The following ACBD6 variants were observed in gnomAD, a reference collection of about 807,000 sequenced individuals.
ACBD6 encodes acyl-CoA-binding domain-containing protein 6.
ACBD6 carries 28 observed loss-of-function variants against 37.2 expected under a neutral mutation model. The observed-to-expected ratio is 0.75, with a 90% CI of 0.56 to 1.03. The LOEUF (loss-of-function observed/expected upper bound fraction) is 1.03, where lower values mean the gene tolerates loss of function less well. Ranked by LOEUF, ACBD6 falls within the 50% of genes least tolerant of loss-of-function variation. ACBD6 has a pLI of 0.00. For missense variants in ACBD6, 340 were observed against 337.4 expected, an observed-to-expected ratio of 1.01 and a Z score of -0.06; for synonymous variants, 113 against 126.8, an observed-to-expected ratio of 0.89 and a Z score of 0.73.
chr1:180,470,442 A>G (rs1374381747), intron 3 of ACBD6, among the ~76,000 whole-genome samples: 1 of 152,220 alleles, frequency 6.6e-6, no homozygotes, highest in Non-Finnish European at 1.5e-5. Flanking sequence ...ATGTTTTCTT[A>G]TAAATTATGG....
At chr1:180,401,819 G>A (rs981699140) in intron 5 of ACBD6, among the ~76,000 whole-genome samples, 16 of 151,118 alleles carry the variant, frequency 1.1e-4, no homozygotes, top group Middle Eastern at 3.4e-3. Context: ...AAGGGGAGGG[G>A]AGAGGAGGGA....
At chr1:180,417,774 G>C (rs1558291185) in intron 4 of ACBD6, among the ~76,000 whole-genome samples, 1 of 152,158 alleles carries the variant, frequency 6.6e-6, no homozygotes, top group Non-Finnish European at 1.5e-5. Flanking sequence ...GCCACTCTGT[G>C]AAGTTCCTTT....
At chr1:180,402,980 T>G (rs569452343) in intron 5 of ACBD6, among the ~76,000 whole-genome samples, 53 of 152,228 alleles carry the variant, frequency 3.5e-4, no homozygotes, top group Non-Finnish European at 7.1e-4. Context: ...CAATGGTATA[T>G]TCACATGATG....
At chr1:180,437,190 T>G (rs368337846) in intron 3 of ACBD6, among the ~76,000 whole-genome samples, 1 of 152,174 alleles carries the variant, frequency 6.6e-6, no homozygotes, top group Non-Finnish European at 1.5e-5. Flanking sequence ...AACTGGCAAA[T>G]GTGTTTCCCT....
intron 4 of ACBD6, among the ~76,000 whole-genome samples, chr1:180,421,116 T>C (rs899798245): frequency 3.3e-5 from 5 of 152,160 alleles, no homozygotes; most frequent in Admixed American, 1.3e-4. Context: ...TCTCATCACC[T>C]AGGTATTAAG....
intron 6 of ACBD6, among the ~76,000 whole-genome samples, chr1:180,388,713 T>C (rs1571441988): frequency 6.6e-6 from 1 of 152,106 alleles, no homozygotes; most frequent in Non-Finnish European, 1.5e-5. Flanking sequence ...AGTGCTGGGA[T>C]TACAGGTGTG....
chr1:180,456,089 A>T (rs967059675), intron 3 of ACBD6, among the ~76,000 whole-genome samples: 2 of 151,874 alleles, frequency 1.3e-5, no homozygotes, highest in African/African-American at 4.8e-5. Flanking sequence ...ACACATGCCT[A>T]TAGTCCCAGC....
chr1:180,471,692 A>AT (rs1381762665), intron 3 of ACBD6, among the ~76,000 whole-genome samples: 1 of 152,150 alleles, frequency 6.6e-6, no homozygotes, highest in Non-Finnish European at 1.5e-5. Flanking sequence ...ACCAGCCCCC[A>AT]TGATTCAATT....
chr1:180,373,431 GA>G (rs1268431550), intron 6 of ACBD6, among the ~76,000 whole-genome samples: 1 of 152,128 alleles, frequency 6.6e-6, no homozygotes, highest in African/African-American at 2.4e-5. Context: ...ATCATCTAGG[GA>G]AAAGAGTACT....
intron 5 of ACBD6, among the ~76,000 whole-genome samples, chr1:180,411,383 C>G (rs1010083558): frequency 1.3e-5 from 2 of 152,106 alleles, no homozygotes; most frequent in Non-Finnish European, 2.9e-5. Flanking sequence ...ACAGAGTAAT[C>G]TTTTACGAAG....
intron 3 of ACBD6, among the ~76,000 whole-genome samples, chr1:180,433,574 C>CTGTG (rs61101474): frequency 1.7e-3 from 262 of 149,820 alleles, no homozygotes; most frequent in Middle Eastern, 6.9e-3. Flanking sequence ...TGGTGTTATG[C>CTGTG]TGTGTGTGTG....
intron 6 of ACBD6, among the ~76,000 whole-genome samples, chr1:180,348,853 T>G (rs960268826): frequency 3.9e-5 from 6 of 152,246 alleles, no homozygotes; most frequent in Non-Finnish European, 5.9e-5. Flanking sequence ...TACTAAGAAC[T>G]TATGACAAAC....
At chr1:180,410,910 A>G (rs1454559319) in intron 5 of ACBD6, among the ~76,000 whole-genome samples, 1 of 152,218 alleles carries the variant, frequency 6.6e-6, no homozygotes, top group East Asian at 1.9e-4. Context: ...GCAAACTGAA[A>G]ACCTTCTGGA....
At chr1:180,384,902 G>A (rs972237299) in intron 6 of ACBD6, among the ~76,000 whole-genome samples, 2 of 152,148 alleles carry the variant, frequency 1.3e-5, no homozygotes, top group Non-Finnish European at 2.9e-5. Context: ...GCCAGACACA[G>A]AAAGACGAAT....
downstream of ACBD6, chr1:180,287,114 G>C (rs1055977103): frequency 6.6e-6 from 1 of 152,084 alleles, no homozygotes; most frequent in African/African-American, 2.4e-5. Flanking sequence ...AGTTTCAAGA[G>C]TGGCATACCT....
intron 3 of ACBD6, among the ~76,000 whole-genome samples, chr1:180,482,736 G>A (rs993115510): frequency 6.6e-5 from 10 of 152,222 alleles, no homozygotes; most frequent in African/African-American, 2.2e-4. Flanking sequence ...TCAGACAAAC[G>A]TTCAATTTTC....
At chr1:180,491,789 A>G (rs1443125402) in intron 3 of ACBD6, among the ~76,000 whole-genome samples, 1 of 152,080 alleles carries the variant, frequency 6.6e-6, no homozygotes, top group African/African-American at 2.4e-5. Flanking sequence ...TGGTTATATT[A>G]CTATTTAAGT....
chr1:180,461,200 GA>G (rs1244366131), intron 3 of ACBD6, among the ~76,000 whole-genome samples: 2 of 151,648 alleles, frequency 1.3e-5, no homozygotes, highest in African/African-American at 2.4e-5. Context: ...CAAAAATAGA[GA>G]AAAAAAAGTA....
intron 6 of ACBD6, among the ~76,000 whole-genome samples, chr1:180,371,325 A>G (rs532337165): frequency 6.6e-6 from 1 of 152,222 alleles, no homozygotes; most frequent in East Asian, 1.9e-4. Context: ...GACAGTTGTT[A>G]GTGATTCATC....
Sources: gnomAD v4.1 joint callset for allele counts (sites outside exome capture counted in the v4.1 genomes callset) on GRCh38, gnomAD v4.1.1 for gene constraint, MANE v1.5 for transcripts, NCBI Gene and HGNC (gene_info 2026-07-23, HGNC 2026-07-21) for gene names.